The following PRMT1 variants were observed in gnomAD, a reference collection of about 807,000 sequenced individuals.
The protein encoded by PRMT1 is protein arginine methyltransferase 1, also known as protein arginine N-methyltransferase 1.
In PRMT1, 5 loss-of-function variants were observed where a neutral mutation model predicts 47.4. The ratio of observed to expected loss-of-function variants is 0.11; its 90% CI spans 0.06 to 0.22. The LOEUF (loss-of-function observed/expected upper bound fraction) is 0.22, where lower values mean the gene tolerates loss of function less well. Among genes scored for constraint, PRMT1 ranks in the 10% least tolerant of loss-of-function variants. The pLI is 1.00. For synonymous variants in PRMT1, 227 were observed against 204.6 expected, an observed-to-expected ratio of 1.11 and a Z score of -0.94; for missense variants, 249 against 518.4, an observed-to-expected ratio of 0.48 and a Z score of 5.05.
intron 1 of PRMT1, among the ~76,000 whole-genome samples, chr19:49,677,767 T>G (rs2082059020): frequency 1.3e-5 from 2 of 152,052 alleles, no homozygotes; most frequent in East Asian, 1.9e-4. Context: ...CCGTGGGGTG[T>G]GATCGACCTG....
chr19:49,680,437 C>A lies in PRMT1; in HGVS notation c.91-50C>A. 6.9e-7 allele frequency: 1 copy of A among 1,444,554 alleles called. No homozygotes were observed. The highest frequency in any genetic ancestry group is 9.7e-7 in the Non-Finnish European group (1 of 1,026,004). 89.5% of individuals were successfully genotyped at this position (1,444,554 alleles called of 1,614,324 possible). ...AGTAGGGCGCTGGAGGTTTAAGAGG[C>A]TGTGGGGAGCCCCCAGATCTGACCC... On this transcript the variant is annotated intron_variant, in intron 2 of 10. Transcript: ENST00000454376. The surrounding 1 kb of genome is among the most constrained non-coding windows in gnomAD (Gnocchi z 4.2).
intron 5 of PRMT1, 105 bp from the exon 6 acceptor site, chr19:49,683,822 A>AGTTCGCG: frequency 7.8e-7 from 1 of 1,280,712 alleles, no homozygotes; most frequent in Non-Finnish European, 1.1e-6. Context: ...CTGCTCACGC[A>AGTTCGCG]GTTCTCTGAA....
chr19:49,687,394 C>T lies in PRMT1; in HGVS notation c.1032+668C>T, dbSNP rs1453972321. Among the ~76,000 whole-genome samples, 3 of 151,930 alleles carry T rather than the reference C, an allele frequency of 2.0e-5. 1 individual carries two copies. Among genetic ancestry groups the T allele is most frequent in the African/African-American group, 7.2e-5 (3 of 41,414 alleles). On this transcript the variant is annotated intron_variant, in intron 10 of 10. Coordinates refer to ENST00000454376, the MANE Select transcript of PRMT1 (RefSeq NM_001536.6). The stretch of plus-strand genomic sequence containing the variant: ...CTGGGTTGGAAAAGTGGGTCCCGGC[C>T]GATGGGTGCGAGGGTGGGTGGCACT...
At chr19:49,683,820 G>A (rs73060097) in intron 5 of PRMT1, 107 bp from the exon 6 acceptor site, 37 of 1,247,088 alleles carry the variant, frequency 3.0e-5, no homozygotes, top group Non-Finnish European at 3.6e-5. Context: ...TTCTGCTCAC[G>A]CAGTTCTCTG....
chr19:49,686,125 C>G lies in PRMT1; in HGVS notation c.792C>G (p.Asp264Glu), dbSNP rs752920683. 17 of 1,613,942 alleles carry G rather than the reference C, an allele frequency of 1.1e-5. No individual in the cohort carries two copies. Among genetic ancestry groups the G allele is most frequent in the Non-Finnish European group, 1.4e-5 (16 of 1,179,968 alleles). Residue 264 changes from aspartate (D) to glutamate (E), a missense_variant, in exon 9 of 11, where the codon GAC (aspartate) becomes GAG (glutamate). By Grantham distance (45) the Asp-to-Glu change is conservative (BLOSUM62 2). Coordinates refer to ENST00000454376, the MANE Select transcript of PRMT1 (RefSeq NM_001536.6). ...EVDIYTVKVE[D>E]LTFTSPFCLQ... ...ACATCTATACCGTCAAGGTGGAAGA[C>G]CTGACCTTCACCTCCCCGTTCTGCC...
chr19:49,681,904 C>A lies in PRMT1; in HGVS notation c.193-6C>A. On this transcript the variant is annotated splice_polypyrimidine_tract_variant and splice_region_variant and intron_variant, in intron 3 of 10. Transcript: ENST00000454376. This position sits in a 1 kb window ranked among gnomAD's most constrained non-coding sequence, Gnocchi z 4.4. The stretch of plus-strand genomic sequence containing the variant: ...TCACGGCGTCTCTGTGCCATTCTTG[C>A]CCTAGGAGATGCTGAAGGACGAGGT... The A allele has an allele frequency of 6.2e-7, 1 of 1,612,476 alleles. No homozygotes were observed. The highest frequency in any genetic ancestry group is 8.5e-7 in the Non-Finnish European group (1 of 1,178,928).
Position 49,685,754 on chromosome 19 carries a change from G to A in PRMT1, c.760-339G>A, listed in dbSNP as rs1022919555. Reference sequence around the variant, plus strand: ...GGTTTAGGTTGGCATTTGTGTTGCCGTTTGAAGCCATCATGTTGTTGGACT... The same window carrying A: ...GGTTTAGGTTGGCATTTGTGTTGCCATTTGAAGCCATCATGTTGTTGGACT... On this transcript the variant is annotated intron_variant, in intron 8 of 10. Coordinates refer to ENST00000454376, the MANE Select transcript of PRMT1 (RefSeq NM_001536.6). This position sits in a 1 kb window ranked among gnomAD's most constrained non-coding sequence, Gnocchi z 4.7. 2.4e-5 allele frequency: 27 copies of A among 1,102,276 alleles called. No individual in the cohort carries two copies. Among genetic ancestry groups the A allele is most frequent in the South Asian group, 5.8e-5 (2 of 34,778 alleles). 68.3% of individuals were successfully genotyped at this position (1,102,276 alleles called of 1,614,324 possible).
intron 10 of PRMT1, chr19:49,687,933 C>T (rs1568490560): frequency 1.7e-6 from 1 of 595,254 alleles, no homozygotes; most frequent in East Asian, 2.8e-5. Flanking sequence ...CAAGGGACAG[C>T]AGCTGGGCTC....
Position 49,684,651 on chromosome 19 carries a change from A to G in PRMT1, c.556-103A>G, listed in dbSNP as rs536898933. The G allele has an allele frequency of 4.1e-5, 54 of 1,306,134 alleles. No homozygotes were observed. The Admixed American group carries it at 1.2e-3, about 28-fold the overall frequency. 80.9% of individuals were successfully genotyped at this position (1,306,134 alleles called of 1,614,324 possible). On this transcript the variant is annotated intron_variant, in intron 6 of 10. Coordinates refer to ENST00000454376, the MANE Select transcript of PRMT1 (RefSeq NM_001536.6). This position sits in a 1 kb window ranked among gnomAD's most constrained non-coding sequence, Gnocchi z 6.2. ...GGCGAGGGGTGAGTGCCGCTGCGAC[A>G]TGAGGGTGGCCCAGACCAGGGCAGG...
rs1226576613 is a variant in PRMT1, at chr19:49,684,369, G to T, written c.555+300G>T. Among the ~76,000 whole-genome samples, 1 of 152,144 alleles carries T rather than the reference G, an allele frequency of 6.6e-6. No individual in the cohort carries two copies. Among genetic ancestry groups the T allele is most frequent in the Non-Finnish European group, 1.5e-5 (1 of 68,006 alleles). On this transcript the variant is annotated intron_variant, in intron 6 of 10. Transcript: ENST00000454376. This position sits in a 1 kb window ranked among gnomAD's most constrained non-coding sequence, Gnocchi z 6.2. ...GATGAAGCATACGGAGGGGCAGCCAGGGCAGGTGTGCCCTTGCTGCGTGTG... is the reference window on the plus strand; with the variant it reads ...GATGAAGCATACGGAGGGGCAGCCATGGCAGGTGTGCCCTTGCTGCGTGTG...
upstream of PRMT1, among the ~76,000 whole-genome samples, chr19:49,676,657 C>A (rs972077603): frequency 6.6e-6 from 1 of 152,188 alleles, no homozygotes; most frequent in African/African-American, 2.4e-5. Context: ...TGAGCACAAG[C>A]TCCCTTTTTC....
At chr19:49,686,579 G>C in intron 9 of PRMT1, 26 bp from the exon 10 acceptor site, 2 of 1,601,962 alleles carry the variant, frequency 1.2e-6, no homozygotes, top group Non-Finnish European at 1.7e-6. Context: ...GCAGGCCGAG[G>C]CCGGCTGACC....
Position 49,686,212 on chromosome 19 carries a change from A to C in PRMT1, c.879A>C (p.Thr293=). Residue 293 remains threonine (T), a synonymous_variant, in exon 9 of 11, where the codon ACA becomes ACC. Coordinates refer to ENST00000454376, the MANE Select transcript of PRMT1 (RefSeq NM_001536.6). ...ALVAYFNIEF[T]RCHKRTGFST... is the part of the protein sequence containing the mutation. ...TGGCCTACTTCAACATCGAGTTCAC[A>C]CGCTGCCACAAGAGGACCGGCTTCT... 6.2e-7 allele frequency: 1 copy of C among 1,610,454 alleles called. No individual in the cohort carries two copies. The highest frequency in any genetic ancestry group is 8.5e-7 in the Non-Finnish European group (1 of 1,178,322).
Position 49,679,991 on chromosome 19 carries a change from C to G in PRMT1, c.90+66C>G, listed in dbSNP as rs966128976. 13 of 1,476,998 alleles carry G rather than the reference C, an allele frequency of 8.8e-6. No individual in the cohort carries two copies. The East Asian group carries it at 3.1e-4, about 35-fold the overall frequency. The allele number at this position is 1,476,998 out of a possible 1,614,324, so 91.5% of individuals were successfully genotyped here. A position where few individuals can be genotyped will look rare whatever the true frequency, so the allele number is the denominator to read the frequency against. On this transcript the variant is annotated intron_variant, in intron 2 of 10. Coordinates refer to ENST00000454376, the MANE Select transcript of PRMT1 (RefSeq NM_001536.6). ...CACATCAATATATCTTGCCACACAT[C>G]TGGCCCTTTCTTGAGGTCTAACCAT...
Position 49,685,822 on chromosome 19 carries a change from C to G in PRMT1, c.760-271C>G. ...GACAGTGGAGTGGGGCGCCTGCATTCTAGGAGGTCTGGACAGAGTTAGGGT... is the reference window on the plus strand; with the variant it reads ...GACAGTGGAGTGGGGCGCCTGCATTGTAGGAGGTCTGGACAGAGTTAGGGT... On this transcript the variant is annotated intron_variant, in intron 8 of 10. Coordinates refer to ENST00000454376, the MANE Select transcript of PRMT1 (RefSeq NM_001536.6). The surrounding 1 kb of genome is among the most constrained non-coding windows in gnomAD (Gnocchi z 4.7). The G allele has an allele frequency of 7.9e-7, 1 of 1,268,672 alleles. No individual in the cohort carries two copies. Among genetic ancestry groups the G allele is most frequent in the Non-Finnish European group, 1.0e-6 (1 of 1,003,430 alleles). The allele number at this position is 1,268,672 out of a possible 1,614,324, so 78.6% of individuals were successfully genotyped here.
At position 49,684,029 on chromosome 19, in the gene PRMT1, C is replaced by G; in HGVS notation, c.515C>G (p.Ser172Cys). The change falls in exon 6 of 11, where the codon TCC (serine) becomes TGC (cysteine). Residue 172 changes from serine (S) to cysteine (C), a missense_variant. Ser to Cys is a moderately radical substitution (Grantham distance 112). Around this residue, in one of 2 missense-constraint regions of PRMT1, gnomAD observed 190 missense variants for 456.7 expected, o/e 0.42. Coordinates refer to ENST00000454376, the MANE Select transcript of PRMT1 (RefSeq NM_001536.6). This position sits in a 1 kb window ranked among gnomAD's most constrained non-coding sequence, Gnocchi z 6.2. The stretch of plus-strand genomic sequence containing the variant: ...ATGGGCTACTGCCTCTTCTACGAGT[C>G]CATGCTCAACACCGTGCTCTATGCC... ...EWMGYCLFYE[S>C]MLNTVLYARD... 1 of 1,614,198 alleles carries G rather than the reference C, an allele frequency of 6.2e-7. No individual in the cohort carries two copies. Among genetic ancestry groups the G allele is most frequent in the Non-Finnish European group, 8.5e-7 (1 of 1,180,026 alleles).
rs2082240573 is a variant in PRMT1, at chr19:49,688,191, C to T, written c.1062C>T (p.Asp354=). 6.2e-7 allele frequency: 1 copy of T among 1,614,012 alleles called. No homozygotes were observed. The highest frequency in any genetic ancestry group is 8.5e-7 in the Non-Finnish European group (1 of 1,179,930). The change falls in exon 11 of 11, where the codon GAC becomes GAT. Residue 354 remains aspartate, a synonymous_variant. Coordinates refer to ENST00000454376, the MANE Select transcript of PRMT1 (RefSeq NM_001536.6). The surrounding 1 kb of genome is among the most constrained non-coding windows in gnomAD (Gnocchi z 5.3). ...ACCTGGACTTCACCATCGACCTGGACTTCAAGGGCCAGCTGTGCGAGCTGT... is the reference window on the plus strand; with the variant it reads ...ACCTGGACTTCACCATCGACCTGGATTTCAAGGGCCAGCTGTGCGAGCTGT... The part of the protein sequence containing the change: ...NRDLDFTIDL[D]FKGQLCELSC...
Position 49,686,065 on chromosome 19 carries a change from CCGGAGCTCG to C in PRMT1, c.760-26_760-18del, listed in dbSNP as rs769252747. ...GGATGAAGCGAGGTGGGGACGCATC[CCGGAGCTCG>C]CCCTCTCATGTCCTGCAGGAGGTGG... On this transcript the variant is annotated intron_variant, in intron 8 of 10. Coordinates refer to ENST00000454376, the MANE Select transcript of PRMT1 (RefSeq NM_001536.6). The C allele has an allele frequency of 1.2e-6, 2 of 1,602,752 alleles. No individual in the cohort carries two copies. The highest frequency in any genetic ancestry group is 2.2e-5 in the South Asian group (2 of 89,416).
chr19:49,677,511 C>G (rs966951192), intron 1 of PRMT1, 195 bp downstream of exon 1: 28 of 434,886 alleles, frequency 6.4e-5, no homozygotes, highest in South Asian at 6.1e-4. Flanking sequence ...CCTTCGGCAT[C>G]CGGCCTAGCG....
Sources: gnomAD v4.1 joint callset for allele counts (sites outside exome capture counted in the v4.1 genomes callset) on GRCh38, gnomAD v4.1.1 for gene constraint, gnomAD v4.1.1 regional missense constraint, Gnocchi (gnomAD v3.1) non-coding constraint, MANE v1.5 for transcripts, NCBI Gene and HGNC (gene_info 2026-07-23, HGNC 2026-07-21) for gene names.